The following CEP128 variants were observed in gnomAD, a reference collection of about 807,000 sequenced individuals.
CEP128 encodes the protein centrosomal protein 128, also known as centrosomal protein 128kDa.
A neutral mutation model predicts 156.7 loss-of-function variants in CEP128; 132 were observed. The ratio of observed to expected loss-of-function variants is 0.84; its 90% CI spans 0.73 to 0.97. The LOEUF (loss-of-function observed/expected upper bound fraction) is 0.97, where lower values mean the gene tolerates loss of function less well. Ranked by LOEUF, CEP128 falls within the 50% of genes least tolerant of loss-of-function variation. CEP128 has a pLI of 0.00. For synonymous variants in CEP128, 469 were observed against 448.9 expected (o/e 1.04, Z -0.57); for missense variants, 1,252 against 1,281.9 (o/e 0.98, Z 0.36).
chr14:80,794,061 T>C (rs1901859836), intron 13 of CEP128, among the ~76,000 whole-genome samples: 2 of 152,142 alleles, frequency 1.3e-5, no homozygotes, highest in Admixed American at 1.3e-4. Flanking sequence ...TTCCAAATAC[T>C]TAGTGGCAAC....
intron 18 of CEP128, among the ~76,000 whole-genome samples, chr14:80,751,488 A>T (rs998679150): frequency 1.3e-5 from 2 of 152,184 alleles, no homozygotes; most frequent in Non-Finnish European, 2.9e-5. Flanking sequence ...ATTAGCTGAC[A>T]AGGCTATTAA....
intron 7 of CEP128, among the ~76,000 whole-genome samples, chr14:80,899,691 C>A (rs537771694): frequency 1.4e-4 from 21 of 152,162 alleles, no homozygotes; most frequent in Non-Finnish European, 2.8e-4. Context: ...CAGTGTACCC[C>A]TCCATAATAT....
intron 19 of CEP128, among the ~76,000 whole-genome samples, chr14:80,582,348 T>C (rs1440966212): frequency 6.6e-6 from 1 of 152,202 alleles, no homozygotes; most frequent in Non-Finnish European, 1.5e-5. Context: ...GAATAACATG[T>C]ATTTAGAAAT....
chr14:80,724,672 C>T (rs967036515), intron 19 of CEP128, among the ~76,000 whole-genome samples: 3 of 151,990 alleles, frequency 2.0e-5, no homozygotes, highest in Admixed American at 6.6e-5. Flanking sequence ...TTGGGGTTGA[C>T]AGTAGGACTT....
At chr14:80,843,771 C>T (rs1480178296) in intron 9 of CEP128, among the ~76,000 whole-genome samples, 1 of 151,848 alleles carries the variant, frequency 6.6e-6, no homozygotes, top group Non-Finnish European at 1.5e-5. Flanking sequence ...CATTTTCAAT[C>T]AAGCAAAAAC....
At chr14:80,811,703 G>T (rs1455240416) in intron 13 of CEP128, among the ~76,000 whole-genome samples, 2 of 122,578 alleles carry the variant, frequency 1.6e-5, no homozygotes, top group Non-Finnish European at 3.2e-5. Flanking sequence ...GTGTGTGTGT[G>T]TTTGAGAGTG....
chr14:80,792,713 G>T, intron 14 of CEP128, 47 bp downstream of exon 14: 2 of 1,465,118 alleles, frequency 1.4e-6, no homozygotes, highest in Non-Finnish European at 1.9e-6. Context: ...ATGAATGAAT[G>T]GTTGAATCAC....
intron 1 of CEP128, among the ~76,000 whole-genome samples, chr14:80,958,894 A>G (rs1021222155): frequency 5.3e-5 from 8 of 152,148 alleles, no homozygotes; most frequent in Non-Finnish European, 1.0e-4. Flanking sequence ...AATGTAAGGT[A>G]TTTTGTTCCT....
chr14:80,732,315 C>A (rs1898311183), intron 19 of CEP128, among the ~76,000 whole-genome samples: 1 of 151,980 alleles, frequency 6.6e-6, no homozygotes, highest in African/African-American at 2.4e-5. Context: ...CTAGAGTTTA[C>A]ATAGAAAGAG....
At chr14:80,890,935 T>C (rs938087303) in intron 8 of CEP128, among the ~76,000 whole-genome samples, 4 of 151,572 alleles carry the variant, frequency 2.6e-5, no homozygotes, top group African/African-American at 9.7e-5. Flanking sequence ...GGCAAACAGG[T>C]ATACAAAAAG....
chr14:80,687,907 G>A (rs1002249133), intron 19 of CEP128, among the ~76,000 whole-genome samples: 67 of 152,120 alleles, frequency 4.4e-4, no homozygotes, highest in African/African-American at 1.6e-3. Context: ...TTTTCCAGGT[G>A]CCAAAAATAA....
intron 19 of CEP128, among the ~76,000 whole-genome samples, chr14:80,585,324 G>A (rs931857222): frequency 3.3e-5 from 5 of 152,210 alleles, no homozygotes; most frequent in Admixed American, 2.6e-4. Context: ...CAGTGATCTG[G>A]CTGTTTAAGG....
Position 80,856,179 on chromosome 14 carries a change from A to C in CEP128, c.762+6578T>G, listed in dbSNP as rs1405147949. 1.3e-5 allele frequency among the ~76,000 whole-genome samples: 2 copies of C among 152,176 alleles called. 1 individual carries two copies. Among genetic ancestry groups the C allele is most frequent in the African/African-American group, 4.8e-5 (2 of 41,436 alleles). ...ACTGAGCTGAGCTCCCATCTTAAAC[A>C]CTTAATTTCTCACTTAAACTTCACC... On this transcript the variant is annotated intron_variant, in intron 9 of 24. Transcript: ENST00000555265.
chr14:80,491,691 C>T (rs78010414), downstream of CEP128, among the ~76,000 whole-genome samples: 13,957 of 152,230 alleles, frequency 0.092, 1,075 homozygotes, highest in African/African-American at 0.21. Context: ...GCCGATCACT[C>T]TGCACCCAGA....
chr14:80,798,591 T>C (rs1175318623), intron 13 of CEP128, among the ~76,000 whole-genome samples: 1 of 152,222 alleles, frequency 6.6e-6, no homozygotes, highest in Non-Finnish European at 1.5e-5. Flanking sequence ...AAATAAACTA[T>C]ATTTTTTGTA....
intron 19 of CEP128, among the ~76,000 whole-genome samples, chr14:80,600,535 C>CA (rs1892536520): frequency 6.6e-6 from 1 of 152,084 alleles, no homozygotes; most frequent in Non-Finnish European, 1.5e-5. Flanking sequence ...AACTGTCATT[C>CA]AAAATCACAG....
chr14:80,653,873 GA>G (rs1484417333), intron 19 of CEP128, among the ~76,000 whole-genome samples: 1 of 152,076 alleles, frequency 6.6e-6, no homozygotes, highest in East Asian at 1.9e-4. Flanking sequence ...ACAGAACAGT[GA>G]ATATAGTACT....
intron 14 of CEP128, among the ~76,000 whole-genome samples, chr14:80,479,479 C>T (rs113248019): frequency 5.9e-5 from 9 of 152,174 alleles, no homozygotes; most frequent in African/African-American, 1.9e-4. Flanking sequence ...GAAGCAAAAG[C>T]GGAAACCCCT....
intron 14 of CEP128, among the ~76,000 whole-genome samples, chr14:80,484,739 C>T (rs1473909090): frequency 6.6e-6 from 1 of 152,196 alleles, no homozygotes; most frequent in Non-Finnish European, 1.5e-5. Flanking sequence ...AACTTATTCT[C>T]CTTTAGATTC....
Sources: gnomAD v4.1 joint callset for allele counts (sites outside exome capture counted in the v4.1 genomes callset) on GRCh38, gnomAD v4.1.1 for gene constraint, MANE v1.5 for transcripts, NCBI Gene and HGNC (gene_info 2026-07-23, HGNC 2026-07-21) for gene names.